KAZN: variants seen among roughly 807,000 people sequenced by gnomAD.
KAZN encodes kazrin.
In KAZN, 40 loss-of-function variants were observed where a neutral mutation model predicts 87.4. The ratio of observed to expected loss-of-function variants is 0.46; its 90% CI spans 0.36 to 0.60. The LOEUF (loss-of-function observed/expected upper bound fraction) is 0.60. Among genes scored for constraint, KAZN ranks in the 20% least tolerant of loss-of-function variants. The pLI is 0.00. For synonymous variants in KAZN, 466 were observed against 458.3 expected, an observed-to-expected ratio of 1.02 and a Z score of -0.22; for missense variants, 898 against 1,073.9, an observed-to-expected ratio of 0.84 and a Z score of 2.29.
At position 14,920,922 on chromosome 1, in the gene KAZN, C is replaced by G. The variant is rs892948481; in HGVS notation, c.227-39762C>G. ...AAACATCTCCTGGGCTCAGGGCATCCTCATAAATGTACCTCAAGGTGTTTT... is the reference window on the plus strand; with the variant it reads ...AAACATCTCCTGGGCTCAGGGCATCGTCATAAATGTACCTCAAGGTGTTTT... On this transcript the variant is annotated intron_variant, in intron 1 of 14. Coordinates refer to ENST00000376030, the MANE Select transcript of KAZN (RefSeq NM_201628.3). Among the ~76,000 whole-genome samples the G allele has an allele frequency of 9.2e-5, 14 of 152,244 alleles. No individual in the cohort carries two copies. In the East Asian group the frequency reaches 2.7e-3, roughly 29 times the overall value.
chr1:14,131,684 A>T (rs962284837), intron 1 of KAZN, among the ~76,000 whole-genome samples: 6 of 152,044 alleles, frequency 3.9e-5, no homozygotes, highest in African/African-American at 7.3e-5. Context: ...CTCCACTTTC[A>T]GTTAATTGAG....
At chr1:14,501,258 T>A (rs182022362) in intron 2 of KAZN, among the ~76,000 whole-genome samples, 1 of 152,100 alleles carries the variant, frequency 6.6e-6, no homozygotes, top group East Asian at 1.9e-4. Context: ...GTACTGGAGG[T>A]TCTAGCCAGC....
At chr1:13,944,729 A>C (rs953452902) in intron 1 of KAZN, among the ~76,000 whole-genome samples, 1 of 152,186 alleles carries the variant, frequency 6.6e-6, no homozygotes, top group African/African-American at 2.4e-5. Context: ...AAGGGTGAAA[A>C]ATGTGTAATT....
rs115718060 is a variant in KAZN, at chr1:14,328,862, A to C, written c.249+148270A>C. On this transcript the variant is annotated intron_variant, in intron 2 of 16. Coordinates refer to the KAZN transcript ENST00000636203. ...ATGACTGTACCTCCTTAGATAGTACATTGTGCAAAATATGTTGGGAGGGTG... is the reference window on the plus strand; with the variant it reads ...ATGACTGTACCTCCTTAGATAGTACCTTGTGCAAAATATGTTGGGAGGGTG... Among the ~76,000 whole-genome samples, 363 of 151,798 alleles carry C rather than the reference A, an allele frequency of 2.4e-3. 2 individuals carry two copies. Among genetic ancestry groups the C allele is most frequent in the African/African-American group, 8.5e-3 (350 of 41,386 alleles).
chr1:14,515,458 T>A (rs936803280), intron 2 of KAZN, among the ~76,000 whole-genome samples: 1 of 152,184 alleles, frequency 6.6e-6, no homozygotes, highest in Non-Finnish European at 1.5e-5. Context: ...CCACCGTATG[T>A]GGGAACCACA....
chr1:14,959,531 C>G (rs542011791), intron 1 of KAZN, among the ~76,000 whole-genome samples: 12 of 151,972 alleles, frequency 7.9e-5, no homozygotes, highest in Non-Finnish European at 1.8e-4. Flanking sequence ...AGGCAGTGTG[C>G]GGAGGGTGGG....
intron 1 of KAZN, among the ~76,000 whole-genome samples, chr1:14,841,259 G>A (rs112608274): frequency 1.3e-5 from 2 of 152,004 alleles, no homozygotes; most frequent in African/African-American, 4.8e-5. Context: ...CAAAAAGTTA[G>A]CCAGGCGTGG....
chr1:14,118,586 AT>A (rs1644680763), intron 1 of KAZN, among the ~76,000 whole-genome samples: 1 of 152,232 alleles, frequency 6.6e-6, no homozygotes, highest in Admixed American at 6.5e-5. Flanking sequence ...TAATGGGGTA[AT>A]TTTTGCCTTA....
At chr1:14,157,473 G>T (rs1002811973) in intron 1 of KAZN, among the ~76,000 whole-genome samples, 1 of 152,132 alleles carries the variant, frequency 6.6e-6, no homozygotes, top group Non-Finnish European at 1.5e-5. Context: ...TCTCTTTCAT[G>T]TTTGAAGGAT....
At chr1:14,588,824 G>A (rs929801996) in intron 2 of KAZN, among the ~76,000 whole-genome samples, 56 of 152,304 alleles carry the variant, frequency 3.7e-4, no homozygotes, top group African/African-American at 1.3e-3. Flanking sequence ...TCACTGGCAG[G>A]GGAAGAATGA....
intron 4 of KAZN, among the ~76,000 whole-genome samples, chr1:15,051,681 C>T (rs999366448): frequency 6.6e-6 from 1 of 152,182 alleles, no homozygotes; most frequent in African/African-American, 2.4e-5. Context: ...CCTTGGGATC[C>T]CACAGCTCAG....
intron 2 of KAZN, among the ~76,000 whole-genome samples, chr1:14,540,568 T>C (rs939529789): frequency 6.6e-6 from 1 of 152,170 alleles, no homozygotes; most frequent in Non-Finnish European, 1.5e-5. Context: ...ACTCTTCTGA[T>C]TTTTCAAAAG....
intron 1 of KAZN, among the ~76,000 whole-genome samples, chr1:14,166,006 G>A (rs898605797): frequency 5.3e-5 from 8 of 152,134 alleles, no homozygotes; most frequent in African/African-American, 1.7e-4. Flanking sequence ...AGGCCGGAAA[G>A]GGGCCACTCG....
chr1:14,621,147 A>T (rs1409201337), intron 1 of KAZN, among the ~76,000 whole-genome samples: 1 of 152,184 alleles, frequency 6.6e-6, no homozygotes, highest in Non-Finnish European at 1.5e-5. Context: ...GTGCTGGTCC[A>T]CCAGGACTGG....
intron 2 of KAZN, among the ~76,000 whole-genome samples, chr1:14,981,591 G>A (rs1666256541): frequency 6.6e-6 from 1 of 152,254 alleles, no homozygotes; most frequent in Non-Finnish European, 1.5e-5. Context: ...TGCTGCGGAA[G>A]CAGAGAGATG....
At chr1:14,972,252 G>A (rs1665135183) in intron 2 of KAZN, among the ~76,000 whole-genome samples, 1 of 152,208 alleles carries the variant, frequency 6.6e-6, no homozygotes, top group African/African-American at 2.4e-5. Flanking sequence ...ACATGACCTT[G>A]AAAGTGTGGC....
At chr1:14,091,561 A>G (rs1042637940) in intron 1 of KAZN, among the ~76,000 whole-genome samples, 6 of 152,214 alleles carry the variant, frequency 3.9e-5, no homozygotes, top group African/African-American at 1.4e-4. Flanking sequence ...TAAAGGTAAA[A>G]ACATCAATTA....
chr1:13,941,549 G>A (rs35110921), intron 1 of KAZN, among the ~76,000 whole-genome samples: 10,121 of 152,212 alleles, frequency 0.066, 556 homozygotes, highest in African/African-American at 0.15. Flanking sequence ...ATGTAAAGCA[G>A]ATGGGATTGG....
intron 1 of KAZN, among the ~76,000 whole-genome samples, chr1:14,649,738 T>C (rs146435837): frequency 6.6e-6 from 1 of 152,200 alleles, no homozygotes; most frequent in Admixed American, 6.5e-5. Context: ...CAGCGTGAAC[T>C]GTGATAAGCT....
Sources: gnomAD v4.1 joint callset for allele counts (sites outside exome capture counted in the v4.1 genomes callset) on GRCh38, gnomAD v4.1.1 for gene constraint, MANE v1.5 for transcripts, NCBI Gene and HGNC (gene_info 2026-07-23, HGNC 2026-07-21) for gene names.